Variants in SLC28A3 observed in about 807,000 individuals in gnomAD.
The protein encoded by SLC28A3 is solute carrier family 28 member 3, also known as concentrative Na(+)-nucleoside cotransporter 3.
In SLC28A3, 68 loss-of-function variants were observed where a neutral mutation model predicts 84.2. That is an observed-to-expected ratio of 0.81 (90% CI 0.66 to 0.99). The LOEUF is 0.99. SLC28A3 is among the 50% of genes least tolerant of loss of function. The pLI, the probability that SLC28A3 is intolerant of heterozygous loss-of-function variation, is 0.00. For synonymous variants in SLC28A3, 267 were observed against 303.6 expected, an observed-to-expected ratio of 0.88 and a Z score of 1.25; for missense variants, 712 against 841.5, an observed-to-expected ratio of 0.85 and a Z score of 1.90.
intron 5 of SLC28A3, among the ~76,000 whole-genome samples, chr9:84,300,954 A>T (rs958091297): frequency 6.6e-6 from 1 of 152,186 alleles, no homozygotes; most frequent in East Asian, 1.9e-4. Flanking sequence ...TGTAGGGGAC[A>T]GCATATTCTG....
At chr9:84,301,664 C>T (rs1172642480) in intron 5 of SLC28A3, among the ~76,000 whole-genome samples, 3 of 152,148 alleles carry the variant, frequency 2.0e-5, no homozygotes, top group African/African-American at 7.2e-5. Context: ...GACACATAAT[C>T]AGCAATCTCC....
At chr9:84,288,555 C>CT (rs35118010) in intron 11 of SLC28A3, among the ~76,000 whole-genome samples, 26,180 of 148,110 alleles carry the variant, frequency 0.18, 3,156 homozygotes, top group East Asian at 0.42. Flanking sequence ...GTCATTACAA[C>CT]TTTTTTTTTT....
At chr9:84,298,465 C>A (rs1275984057) in intron 6 of SLC28A3, among the ~76,000 whole-genome samples, 3 of 152,008 alleles carry the variant, frequency 2.0e-5, no homozygotes, top group Non-Finnish European at 4.4e-5. Flanking sequence ...CCAGCCTGGG[C>A]AACAGAGCGA....
At chr9:84,343,455 T>C (rs1316206147), upstream of SLC28A3, among the ~76,000 whole-genome samples, 2 of 152,116 alleles carry the variant, frequency 1.3e-5, no homozygotes, top group Non-Finnish European at 2.9e-5. Flanking sequence ...GACTGTACAG[T>C]GTATACATAA....
At chr9:84,367,369 T>G in the SLC28A3 span, among the ~76,000 whole-genome samples, 1 of 152,208 alleles carries the variant, frequency 6.6e-6, no homozygotes, top group Non-Finnish European at 1.5e-5. Flanking sequence ...AAAGCCTGCC[T>G]GGTGCTTTGC....
intron 1 of SLC28A3, among the ~76,000 whole-genome samples, chr9:84,330,885 A>G (rs1373522482): frequency 1.3e-5 from 2 of 152,184 alleles, no homozygotes; most frequent in Non-Finnish European, 2.9e-5. Flanking sequence ...TTTAAATTAC[A>G]TATCTGGCTA....
intron 1 of SLC28A3, among the ~76,000 whole-genome samples, chr9:84,331,579 CAG>C (rs1425232807): frequency 1.3e-5 from 2 of 152,090 alleles, no homozygotes; most frequent in Admixed American, 6.6e-5. Flanking sequence ...TGTGTTTGTG[CAG>C]AGTGAGGCCC....
chr9:84,320,971 G>GC (rs1554728875), intron 1 of SLC28A3, among the ~76,000 whole-genome samples: 1 of 128,476 alleles, frequency 7.8e-6, no homozygotes, highest in East Asian at 2.2e-4. Flanking sequence ...CATCTCAAAA[G>GC]AAAAAAAAAA....
In SLC28A3 at chr9:84,292,475, G is replaced by GTCTCTCTGTC. The variant is rs1825268145; in HGVS notation, c.1023+192_1023+193insGACAGAGAGA. The GTCTCTCTGTC allele has an allele frequency of 1.6e-3, 619 of 376,582 alleles. 5 individuals carry two copies. The highest frequency in any genetic ancestry group is 0.014 in the African/African-American group (582 of 42,870). 23.3% of individuals were successfully genotyped at this position (376,582 alleles called of 1,614,324 possible). A position where few individuals can be genotyped will look rare whatever the true frequency, so the allele number is the denominator to read the frequency against. ...TCTCTGTCTCTCTGTCTCTCTCTCT[G>GTCTCTCTGTC]TCTCTCTCTCTCTCTCTCTCTGTCT... On this transcript the variant is annotated intron_variant, in intron 10 of 17. Coordinates refer to ENST00000376238, the MANE Select transcript of SLC28A3 (RefSeq NM_001199633.2).
chr9:84,292,320 G>A (rs1432389707), intron 10 of SLC28A3, among the ~76,000 whole-genome samples: 2 of 152,184 alleles, frequency 1.3e-5, no homozygotes, highest in Non-Finnish European at 2.9e-5. Flanking sequence ...GATTTATTGA[G>A]AATCTATATG....
chr9:84,336,347 C>CA (rs5898855), intron 1 of SLC28A3, among the ~76,000 whole-genome samples: 3 of 152,064 alleles, frequency 2.0e-5, no homozygotes, highest in East Asian at 1.9e-4. Flanking sequence ...ACTAAAAATA[C>CA]AAAAAAAGTA....
At chr9:84,333,482 C>T (rs560266731) in intron 1 of SLC28A3, among the ~76,000 whole-genome samples, 1 of 152,180 alleles carries the variant, frequency 6.6e-6, no homozygotes, top group South Asian at 2.1e-4. Context: ...ACCAGAACAT[C>T]TAAGGAACTC....
chr9:84,293,547 T>A (rs746941212), intron 9 of SLC28A3, among the ~76,000 whole-genome samples: 6 of 152,252 alleles, frequency 3.9e-5, no homozygotes, highest in Non-Finnish European at 8.8e-5. Context: ...AAGCACTGCC[T>A]GCACTGCTCT....
intron 16 of SLC28A3, 61 bp from the exon 17 acceptor site, chr9:84,279,446 T>A: frequency 8.5e-7 from 1 of 1,181,324 alleles, no homozygotes; most frequent in Non-Finnish European, 1.1e-6. Flanking sequence ...TGTATTTATA[T>A]ATTTATTTAT....
the SLC28A3 span, among the ~76,000 whole-genome samples, chr9:84,352,142 T>C: frequency 6.6e-6 from 1 of 152,168 alleles, no homozygotes; most frequent in Non-Finnish European, 1.5e-5. Context: ...CTATATATTA[T>C]CCTGCAGATT....
At chr9:84,309,290 A>T (rs982738472) in intron 3 of SLC28A3, among the ~76,000 whole-genome samples, 1 of 152,028 alleles carries the variant, frequency 6.6e-6, no homozygotes, top group African/African-American at 2.4e-5. Context: ...TGGGAGGTCG[A>T]GGTGGGTGGA....
chr9:84,297,789 A>C (rs537177619), intron 7 of SLC28A3, 117 bp downstream of exon 7: 9 of 817,570 alleles, frequency 1.1e-5, no homozygotes, highest in Admixed American at 2.4e-5. Flanking sequence ...CATGATGCAG[A>C]ATTAAAATTT....
chr9:84,317,227 A>AG (rs1826200849), intron 1 of SLC28A3, among the ~76,000 whole-genome samples: 1 of 152,204 alleles, frequency 6.6e-6, no homozygotes, highest in African/African-American at 2.4e-5. Context: ...GAAGATCAAA[A>AG]GACACAGTAG....
At chr9:84,354,981 TAAG>T in the SLC28A3 span, among the ~76,000 whole-genome samples, 1 of 152,194 alleles carries the variant, frequency 6.6e-6, no homozygotes, top group African/African-American at 2.4e-5. Context: ...CCCCAGTTGT[TAAG>T]AAGAAGCTAT....
Sources: gnomAD v4.1 joint callset for allele counts (sites outside exome capture counted in the v4.1 genomes callset) on GRCh38, gnomAD v4.1.1 for gene constraint, MANE v1.5 for transcripts, NCBI Gene and HGNC (gene_info 2026-07-23, HGNC 2026-07-21) for gene names.